PRKN: variants seen among roughly 807,000 people sequenced by gnomAD.
PRKN encodes parkin RBR E3 ubiquitin protein ligase, also known as E3 ubiquitin-protein ligase parkin.
A neutral mutation model predicts 59.5 loss-of-function variants in PRKN; 56 were observed. The ratio of observed to expected loss-of-function variants is 0.94; its 90% CI spans 0.76 to 1.18. The LOEUF (loss-of-function observed/expected upper bound fraction) is 1.18. Among genes scored for constraint, PRKN ranks in the 50% most tolerant of loss-of-function variants. The pLI, the probability that PRKN is intolerant of heterozygous loss-of-function variation, is 0.00. For missense variants in PRKN, 657 were observed against 596.4 expected (o/e 1.10, Z -1.06); for synonymous variants, 250 against 222.1 (o/e 1.13, Z -1.12).
At chr6:162,380,447 G>A (rs2320482) in intron 2 of PRKN, among the ~76,000 whole-genome samples, 2 of 51,340 alleles carry the variant, frequency 3.9e-5, no homozygotes, top group African/African-American at 1.1e-4. Flanking sequence ...ATATATATAT[G>A]TATATATACA....
At chr6:161,517,467 G>C (rs753769253) in intron 9 of PRKN, among the ~76,000 whole-genome samples, 2 of 151,950 alleles carry the variant, frequency 1.3e-5, no homozygotes, top group African/African-American at 4.8e-5. Flanking sequence ...TAGGCCGGGC[G>C]TGGTGGCTCA....
intron 6 of PRKN, among the ~76,000 whole-genome samples, chr6:161,917,208 T>A (rs1252721556): frequency 6.6e-6 from 1 of 151,886 alleles, no homozygotes; most frequent in African/African-American, 2.4e-5. Context: ...AGGGCTCAAG[T>A]AATTCTCCTG....
At chr6:162,312,940 G>A (rs934228294) in intron 2 of PRKN, among the ~76,000 whole-genome samples, 4 of 152,114 alleles carry the variant, frequency 2.6e-5, no homozygotes, top group African/African-American at 9.6e-5. Context: ...CTAGATGCCA[G>A]AAGAAAATAT....
At chr6:162,417,693 C>A (rs563355056) in intron 2 of PRKN, among the ~76,000 whole-genome samples, 1 of 152,328 alleles carries the variant, frequency 6.6e-6, no homozygotes, top group South Asian at 2.1e-4. Flanking sequence ...TGTGTAACAA[C>A]ACTTCTCCCA....
chr6:161,975,085 CTTTTTTTTTT>C (rs769121865), intron 5 of PRKN, among the ~76,000 whole-genome samples: 1 of 124,470 alleles, frequency 8.0e-6, no homozygotes, highest in Non-Finnish European at 1.7e-5. Flanking sequence ...ACATATACTT[CTTTTTTTTTT>C]TTTTTTTTTT....
At chr6:162,280,904 A>C (rs1215125985) in intron 2 of PRKN, among the ~76,000 whole-genome samples, 1 of 151,990 alleles carries the variant, frequency 6.6e-6, no homozygotes, top group African/African-American at 2.4e-5. Flanking sequence ...AAATCAATGA[A>C]TGCAGGAGCT....
chr6:162,478,566 G>A (rs555784003), intron 1 of PRKN, among the ~76,000 whole-genome samples: 22 of 152,316 alleles, frequency 1.4e-4, no homozygotes, highest in African/African-American at 4.8e-4. Flanking sequence ...GTGACCTCCT[G>A]AGTAACCAAC....
chr6:162,450,299 CT>C (rs1383090346), intron 1 of PRKN, among the ~76,000 whole-genome samples: 1 of 121,926 alleles, frequency 8.2e-6, no homozygotes, highest in African/African-American at 4.9e-5. Flanking sequence ...TGTAACACCC[CT>C]GTGAATATGA....
intron 2 of PRKN, among the ~76,000 whole-genome samples, chr6:162,274,140 T>C (rs1433671697): frequency 6.6e-6 from 1 of 151,816 alleles, no homozygotes; most frequent in Non-Finnish European, 1.5e-5. Flanking sequence ...ATGTATATTA[T>C]ATCTTCTTGT....
Position 161,538,279 on chromosome 6 carries a change from G to T in PRKN, c.1083+10575C>A, listed in dbSNP as rs1779498206. 6.6e-6 allele frequency among the ~76,000 whole-genome samples: 1 copy of T among 152,104 alleles called. No homozygotes were observed. The highest frequency in any genetic ancestry group is 2.4e-5 in the African/African-American group (1 of 41,418). On this transcript the variant is annotated intron_variant, in intron 9 of 11. Coordinates refer to ENST00000366898, the MANE Select transcript of PRKN (RefSeq NM_004562.3). The surrounding 1 kb of genome is among the most constrained non-coding windows in gnomAD (Gnocchi z 4.2). The stretch of plus-strand genomic sequence containing the variant: ...AGAATGGGCAAACAGACAGGCAAGG[G>T]TTATACATTTGACCTGGGCCTTACC...
rs1554251151 is a variant in PRKN, at chr6:161,352,755, G to GTATATATA, written c.1286-2552_1286-2545dup. ...TGTGTGTGTGTGTGTGTGTGTGTGTGTATATATATATATATATTTTATTTT... is the reference window on the plus strand; with the variant it reads ...TGTGTGTGTGTGTGTGTGTGTGTGTGTATATATATATATATATATATATATTTTATTTT... On this transcript the variant is annotated intron_variant, in intron 11 of 11. Coordinates refer to ENST00000366898, the MANE Select transcript of PRKN (RefSeq NM_004562.3). This position sits in a 1 kb window ranked among gnomAD's most constrained non-coding sequence, Gnocchi z 5.8. Among the ~76,000 whole-genome samples the GTATATATA allele has an allele frequency of 3.8e-4, 51 of 134,364 alleles. No individual in the cohort carries two copies. The highest frequency in any genetic ancestry group is 1.3e-3 in the African/African-American group (47 of 35,774). 88.1% of individuals were successfully genotyped at this position (134,364 alleles called of 152,430 possible).
chr6:162,074,990 G>A (rs1378214263), intron 4 of PRKN, among the ~76,000 whole-genome samples: 1 of 152,158 alleles, frequency 6.6e-6, no homozygotes, highest in African/African-American at 2.4e-5. Flanking sequence ...AAGCCTTACA[G>A]ATCTGGTGAT....
chr6:161,873,114 G>A (rs73785451), intron 6 of PRKN, among the ~76,000 whole-genome samples: 6,217 of 151,768 alleles, frequency 0.041, 410 homozygotes, highest in African/African-American at 0.14. Flanking sequence ...ATAAAGGCCC[G>A]TTCTCAATGA....
At chr6:162,453,367 T>G (rs764086532) in intron 1 of PRKN, among the ~76,000 whole-genome samples, 1 of 152,204 alleles carries the variant, frequency 6.6e-6, no homozygotes, top group Non-Finnish European at 1.5e-5. Context: ...TTTTATTCTT[T>G]GATTAATTCT....
intron 4 of PRKN, among the ~76,000 whole-genome samples, chr6:162,079,742 A>G (rs888425880): frequency 1.3e-5 from 2 of 152,072 alleles, no homozygotes; most frequent in African/African-American, 2.4e-5. Flanking sequence ...CTATAAGGAA[A>G]CATAGAGTTA....
chr6:162,036,801 A>G (rs1418743665), intron 5 of PRKN, among the ~76,000 whole-genome samples: 37 of 152,344 alleles, frequency 2.4e-4, no homozygotes, highest in Non-Finnish European at 2.9e-5. Flanking sequence ...AATGGTCATA[A>G]GAAACAAACT....
chr6:162,519,819 T>C (rs1041779815), intron 1 of PRKN, among the ~76,000 whole-genome samples: 3 of 152,220 alleles, frequency 2.0e-5, no homozygotes, highest in Admixed American at 2.0e-4. Context: ...GGATTTTACA[T>C]TGTTTTTGCT....
At chr6:162,376,933 A>G (rs1786137392) in intron 2 of PRKN, among the ~76,000 whole-genome samples, 1 of 151,598 alleles carries the variant, frequency 6.6e-6, no homozygotes, top group Non-Finnish European at 1.5e-5. Flanking sequence ...GAGGAGGAGG[A>G]AGACAAAGTA....
At chr6:161,968,018 G>A (rs1780646898) in intron 6 of PRKN, among the ~76,000 whole-genome samples, 1 of 151,806 alleles carries the variant, frequency 6.6e-6, no homozygotes, top group South Asian at 2.1e-4. Flanking sequence ...CATTATCAGT[G>A]TGGGGCCTTT....
Sources: gnomAD v4.1 joint callset for allele counts (sites outside exome capture counted in the v4.1 genomes callset) on GRCh38, gnomAD v4.1.1 for gene constraint, Gnocchi (gnomAD v3.1) non-coding constraint, MANE v1.5 for transcripts, NCBI Gene and HGNC (gene_info 2026-07-23, HGNC 2026-07-21) for gene names.